Variants in PCDHGB1 observed in about 807,000 individuals in gnomAD.
PCDHGB1 encodes protocadherin gamma-B1.
Under a neutral mutation model 56.6 loss-of-function variants are expected in PCDHGB1, and 34 were observed. The observed-to-expected ratio is 0.60, with a 90% CI of 0.46 to 0.80. PCDHGB1 has a LOEUF of 0.80. PCDHGB1 is among the 30% of genes least tolerant of loss of function. The probability of loss-of-function intolerance (pLI) is 0.00; values close to 1 mark genes in which losing one functional copy is unlikely to be tolerated. For missense variants in PCDHGB1, 1,278 were observed against 1,204.6 expected, an observed-to-expected ratio of 1.06 and a Z score of -0.90; for synonymous variants, 561 against 505.9, an observed-to-expected ratio of 1.11 and a Z score of -1.46.
At chr5:141,388,827 A>T (rs376001893) in intron 1 of PCDHGB1, 4 of 1,614,024 alleles carry the variant, frequency 2.5e-6, no homozygotes, top group Non-Finnish European at 2.5e-6. Flanking sequence ...AGAATATTCC[A>T]TAGTTTTGGA....
chr5:141,423,237 C>T (rs761825236), intron 1 of PCDHGB1: 74 of 1,613,798 alleles, frequency 4.6e-5, no homozygotes, highest in Middle Eastern at 3.3e-4. Flanking sequence ...ACAGCATCCC[C>T]GAAGTCCTGG....
chr5:141,495,005 CG>C (rs2099758180), intron 2 of PCDHGB1, 140 bp downstream of exon 2: 2 of 1,522,694 alleles, frequency 1.3e-6, no homozygotes, highest in African/African-American at 1.4e-5. Context: ...TCTTGGTGTG[CG>C]GGGGGCTGGC....
rs773688197 is a variant in PCDHGB1 at position 141,432,412 on chromosome 5, C to A, written c.2410-62395C>A. 2.5e-6 allele frequency: 4 copies of A among 1,614,128 alleles called. No homozygotes were observed. The Admixed American group carries it at 6.7e-5, about 27-fold the overall frequency. On this transcript the variant is annotated intron_variant, in intron 1 of 3. Transcript: ENST00000523390. The surrounding 1 kb of genome is among the most constrained non-coding windows in gnomAD (Gnocchi z 6.0). ...GCAGCAACGTGTCGTTGAGCCTGTT[C>A]GTGCTGGACCAGAACGACAATGCGC...
intron 1 of PCDHGB1, chr5:141,410,849 CTTTTTTTT>C (rs759346998): frequency 2.0e-4 from 27 of 138,178 alleles, no homozygotes; most frequent in Middle Eastern, 4.3e-3. Context: ...TTGTCTTTGT[CTTTTTTTT>C]TTTTTTTTTT....
chr5:141,456,735 C>T (rs568353480), intron 1 of PCDHGB1, among the ~76,000 whole-genome samples: 8 of 152,216 alleles, frequency 5.3e-5, no homozygotes, highest in East Asian at 3.9e-4. Context: ...GAGGCTGAGG[C>T]GGGAGCATCA....
In PCDHGB1 at chr5:141,431,779, G is replaced by A; in HGVS notation, c.2410-63028G>A. 2 of 1,614,232 alleles carry A rather than the reference G, an allele frequency of 1.2e-6. No individual in the cohort carries two copies. Among genetic ancestry groups the A allele is most frequent in the Non-Finnish European group, 1.7e-6 (2 of 1,180,030 alleles). ...AAGTCCTGATCACTGTTCTGGACGT[G>A]AACGACAATGCCCCAGAAGTGGTCC... On this transcript the variant is annotated intron_variant, in intron 1 of 3. Transcript: ENST00000523390. This position sits in a 1 kb window ranked among gnomAD's most constrained non-coding sequence, Gnocchi z 4.8.
intron 1 of PCDHGB1, chr5:141,383,969 C>G (rs981868963): frequency 6.2e-7 from 1 of 1,613,732 alleles, no homozygotes; most frequent in Non-Finnish European, 8.5e-7. Context: ...AGCTCAATCC[C>G]TGAAGACACA....
intron 2 of PCDHGB1, among the ~76,000 whole-genome samples, chr5:141,498,839 A>C (rs2099786236): frequency 6.6e-6 from 1 of 152,062 alleles, no homozygotes; most frequent in Non-Finnish European, 1.5e-5. Context: ...AGGCTGAGGC[A>C]GGGGAATCGC....
At chr5:141,408,714 A>G (rs771519650) in intron 1 of PCDHGB1, 8 of 1,612,346 alleles carry the variant, frequency 5.0e-6, no homozygotes, top group Non-Finnish European at 6.8e-6. Context: ...AAAGATTATA[A>G]GATAAACTCT....
At chr5:141,414,118 G>C (rs559064215) in intron 1 of PCDHGB1, 1 of 1,592,490 alleles carries the variant, frequency 6.3e-7, no homozygotes, top group Admixed American at 1.8e-5. Flanking sequence ...AGATTATGAA[G>C]AAACCGGTTT....
chr5:141,354,940 G>T (rs1298190713), intron 1 of PCDHGB1: 4 of 423,462 alleles, frequency 9.4e-6, no homozygotes, highest in African/African-American at 2.0e-5. Flanking sequence ...TTTTAACCAA[G>T]AATAAATTGC....
At chr5:141,507,178 G>A (rs548016031) in intron 3 of PCDHGB1, 4 of 152,350 alleles carry the variant, frequency 2.6e-5, no homozygotes, top group East Asian at 3.9e-4. Flanking sequence ...CCTCTTCCTC[G>A]AGCTCTGCTT....
At chr5:141,502,234 C>T (rs1482411915) in intron 2 of PCDHGB1, among the ~76,000 whole-genome samples, 1 of 152,108 alleles carries the variant, frequency 6.6e-6, no homozygotes, top group Non-Finnish European at 1.5e-5. Flanking sequence ...TCTGTGTGTT[C>T]TTTTATCCTT....
rs751320023 is a variant in PCDHGB1 at position 141,431,263 on chromosome 5, G to T, written c.2410-63544G>T. 6 of 1,614,060 alleles carry T rather than the reference G, an allele frequency of 3.7e-6. No homozygotes were observed. In the East Asian group the frequency reaches 1.3e-4, roughly 36 times the overall value. ...CGGATATCGGGAAGAACTCTCTGCA[G>T]AGCTACGAGCTCAGCCCGAACACTC... On this transcript the variant is annotated intron_variant, in intron 1 of 3. Transcript: ENST00000523390. The surrounding 1 kb of genome is among the most constrained non-coding windows in gnomAD (Gnocchi z 4.8).
Position 141,477,044 on chromosome 5 carries a change from C to T in PCDHGB1, c.2410-17763C>T, listed in dbSNP as rs750525889. ...CGGGATGCTGACAATCAAGGGTCGG[C>T]TGGACTTCGAGGACACCAAACTCCA... On this transcript the variant is annotated intron_variant, in intron 1 of 3. Coordinates refer to ENST00000523390, the MANE Select transcript of PCDHGB1 (RefSeq NM_018922.3). The surrounding 1 kb of genome is among the most constrained non-coding windows in gnomAD (Gnocchi z 4.9). 6.2e-7 allele frequency: 1 copy of T among 1,614,246 alleles called. No individual in the cohort carries two copies. Among genetic ancestry groups the T allele is most frequent in the Non-Finnish European group, 8.5e-7 (1 of 1,180,034 alleles).
In PCDHGB1 at chr5:141,471,102, G is replaced by A. The variant is rs922174682; in HGVS notation, c.2410-23705G>A. 3.4e-5 allele frequency among the ~76,000 whole-genome samples: 5 copies of A among 146,522 alleles called. No individual in the cohort carries two copies. The Admixed American group carries it at 3.5e-4, about 10-fold the overall frequency. On this transcript the variant is annotated intron_variant, in intron 1 of 3. Coordinates refer to ENST00000523390, the MANE Select transcript of PCDHGB1 (RefSeq NM_018922.3). ...CTCCCTCTGTTGTCCAGGCTAGAGTGCAGTGGTGCGATCTTACCTTCACTG... is the reference window on the plus strand; with the variant it reads ...CTCCCTCTGTTGTCCAGGCTAGAGTACAGTGGTGCGATCTTACCTTCACTG...
intron 1 of PCDHGB1, chr5:141,430,865 C>G: frequency 6.3e-7 from 1 of 1,595,350 alleles, no homozygotes; most frequent in Non-Finnish European, 8.5e-7. Flanking sequence ...CTATTCAGTT[C>G]CGGAAGAGCT....
At chr5:141,423,395 C>G (rs1249200485) in intron 1 of PCDHGB1, 1 of 1,614,060 alleles carries the variant, frequency 6.2e-7, no homozygotes, top group Non-Finnish European at 8.5e-7. Context: ...TGGCATAAGT[C>G]ACGCCTGCTG....
intron 1 of PCDHGB1, among the ~76,000 whole-genome samples, chr5:141,450,047 C>T (rs2098667027): frequency 2.2e-5 from 3 of 136,836 alleles, no homozygotes; most frequent in African/African-American, 8.5e-5. Flanking sequence ...CACTCTTTCG[C>T]CCAGGCTGGA....
Sources: allele counts gnomAD v4.1 joint callset (sites outside exome capture counted in the v4.1 genomes callset), GRCh38; gene constraint gnomAD v4.1.1; non-coding constraint Gnocchi (gnomAD v3.1); transcripts MANE v1.5; gene names NCBI Gene and HGNC (gene_info 2026-07-23, HGNC 2026-07-21).